Variants in FRMD4B observed in about 807,000 individuals in gnomAD.
FRMD4B encodes the protein FERM domain containing 4B.
In FRMD4B, 74 loss-of-function variants were observed where a neutral mutation model predicts 141.5. The ratio of observed to expected loss-of-function variants is 0.52; its 90% CI spans 0.43 to 0.63. FRMD4B has a LOEUF of 0.63. Ranked by LOEUF, FRMD4B falls within the 30% of genes least tolerant of loss-of-function variation. FRMD4B has a pLI of 0.00. For missense variants in FRMD4B, 1,366 were observed against 1,253.4 expected (o/e 1.09, Z -1.36); for synonymous variants, 506 against 467.9 (o/e 1.08, Z -1.05).
chr3:69,314,382 G>T (rs1206106999), intron 1 of FRMD4B, among the ~76,000 whole-genome samples: 1 of 151,368 alleles, frequency 6.6e-6, no homozygotes. Context: ...ACAAAAAATA[G>T]CCAGGCATGT....
intron 1 of FRMD4B, among the ~76,000 whole-genome samples, chr3:69,449,178 A>T (rs1050992380): frequency 6.6e-6 from 1 of 152,214 alleles, no homozygotes; most frequent in Non-Finnish European, 1.5e-5. Flanking sequence ...ATAAGATACC[A>T]TGTATTTTAA....
At chr3:69,426,933 T>G (rs1463270694) in intron 2 of FRMD4B, among the ~76,000 whole-genome samples, 1 of 152,302 alleles carries the variant, frequency 6.6e-6, no homozygotes, top group African/African-American at 2.4e-5. Context: ...TGCTATTTCT[T>G]TGGCTCAGCC....
intron 1 of FRMD4B, among the ~76,000 whole-genome samples, chr3:69,526,820 C>T (rs1157563957): frequency 3.9e-5 from 6 of 152,098 alleles, no homozygotes; most frequent in African/African-American, 1.4e-4. Flanking sequence ...TCCTGACTTG[C>T]ACAAGGTTAA....
chr3:69,509,498 G>C (rs1706654868), intron 1 of FRMD4B, among the ~76,000 whole-genome samples: 1 of 152,130 alleles, frequency 6.6e-6, no homozygotes, highest in Non-Finnish European at 1.5e-5. Flanking sequence ...GAGTCATTAA[G>C]TAAATCTTGA....
At chr3:69,330,591 C>T (rs1243232707) in intron 1 of FRMD4B, among the ~76,000 whole-genome samples, 2 of 151,476 alleles carry the variant, frequency 1.3e-5, no homozygotes, top group African/African-American at 4.9e-5. Context: ...GTGATCTGCC[C>T]GCCTCAGCCT....
At chr3:69,174,543 G>A (rs961242920) in intron 22 of FRMD4B, among the ~76,000 whole-genome samples, 2 of 152,046 alleles carry the variant, frequency 1.3e-5, no homozygotes, top group African/African-American at 4.8e-5. Context: ...TTTCTACCAT[G>A]AGCTCATATA....
At chr3:69,317,075 C>T (rs917962188) in intron 1 of FRMD4B, among the ~76,000 whole-genome samples, 11 of 131,112 alleles carry the variant, frequency 8.4e-5, no homozygotes, top group East Asian at 2.3e-4. Flanking sequence ...AGCGAAACTC[C>T]GCCTCAAAAA....
At chr3:69,346,235 T>A (rs1260889161) in intron 1 of FRMD4B, among the ~76,000 whole-genome samples, 1 of 151,814 alleles carries the variant, frequency 6.6e-6, no homozygotes, top group Non-Finnish European at 1.5e-5. Flanking sequence ...GTATGAGTGA[T>A]TGAAGATTAA....
chr3:69,535,663 G>C (rs535462728), intron 1 of FRMD4B: 1 of 234,908 alleles, frequency 4.3e-6, no homozygotes, highest in Non-Finnish European at 8.7e-6. Flanking sequence ...CCGGCCCTAG[G>C]ATACAGCCCT....
At chr3:69,485,393 G>A (rs1039662670) in intron 1 of FRMD4B, among the ~76,000 whole-genome samples, 1 of 152,260 alleles carries the variant, frequency 6.6e-6, no homozygotes, top group African/African-American at 2.4e-5. Context: ...GCACCAGGGT[G>A]GGGGGCTCCT....
chr3:69,437,335 G>T (rs1705275110), intron 1 of FRMD4B, among the ~76,000 whole-genome samples: 1 of 151,742 alleles, frequency 6.6e-6, no homozygotes, highest in Non-Finnish European at 1.5e-5. Context: ...GCCTTCCAAA[G>T]TGCTGGGTTC....
chr3:69,496,572 G>A (rs964254650), intron 1 of FRMD4B, among the ~76,000 whole-genome samples: 1 of 143,368 alleles, frequency 7.0e-6, no homozygotes, highest in South Asian at 2.2e-4. Flanking sequence ...AATGAAGCCA[G>A]CATAAAGAAG....
At chr3:69,252,886 AAG>A (rs1050766462) in intron 5 of FRMD4B, among the ~76,000 whole-genome samples, 8 of 152,170 alleles carry the variant, frequency 5.3e-5, no homozygotes, top group Non-Finnish European at 1.0e-4. Flanking sequence ...TGGATAAAAA[AAG>A]AGAACCAGAG....
intron 2 of FRMD4B, among the ~76,000 whole-genome samples, chr3:69,312,113 G>A (rs1701614984): frequency 1.3e-5 from 2 of 152,152 alleles, no homozygotes; most frequent in Non-Finnish European, 2.9e-5. Context: ...GAAGAAGGAT[G>A]TAATCTATAA....
chr3:69,418,210 A>T (rs1432333238), intron 2 of FRMD4B, among the ~76,000 whole-genome samples: 1 of 152,214 alleles, frequency 6.6e-6, no homozygotes, highest in Admixed American at 6.5e-5. Context: ...ATATGCTCAT[A>T]CATTATAACT....
chr3:69,285,490 G>GAC (rs1700649287), intron 5 of FRMD4B, among the ~76,000 whole-genome samples: 1 of 150,540 alleles, frequency 6.6e-6, no homozygotes, highest in African/African-American at 2.4e-5. Context: ...AAATGCCAAT[G>GAC]ACACACACAC....
intron 1 of FRMD4B, among the ~76,000 whole-genome samples, chr3:69,373,872 C>T (rs1486348457): frequency 2.6e-5 from 4 of 152,192 alleles, no homozygotes; most frequent in Admixed American, 2.6e-4. Context: ...GACCCTGTCT[C>T]AATCAATCAA....
chr3:69,456,097 CATCACTTATATAGGGATTG>C (rs1705606035), intron 1 of FRMD4B, among the ~76,000 whole-genome samples: 1 of 152,130 alleles, frequency 6.6e-6, no homozygotes, highest in Admixed American at 6.5e-5. Context: ...GTGAGCTTTC[CATCACTTATATAGGGATTG>C]AATCACAGGA....
At chr3:69,437,675 A>G (rs1422306856) in intron 1 of FRMD4B, among the ~76,000 whole-genome samples, 1 of 133,562 alleles carries the variant, frequency 7.5e-6, no homozygotes, top group African/African-American at 2.8e-5. Context: ...TACTATATAT[A>G]CTATAGTATA....
Sources: gnomAD v4.1 joint callset for allele counts (sites outside exome capture counted in the v4.1 genomes callset) on GRCh38, gnomAD v4.1.1 for gene constraint, MANE v1.5 for transcripts, NCBI Gene and HGNC (gene_info 2026-07-23, HGNC 2026-07-21) for gene names.